The following DLG2 variants were observed in gnomAD, a reference collection of about 807,000 sequenced individuals.
DLG2 encodes the protein discs large MAGUK scaffold protein 2, also known as disks large homolog 2.
DLG2 carries 45 observed loss-of-function variants against 132.5 expected under a neutral mutation model. The ratio of observed to expected loss-of-function variants is 0.34; its 90% CI spans 0.27 to 0.44. DLG2 has a LOEUF of 0.44. Ranked by LOEUF, DLG2 falls within the 20% of genes least tolerant of loss-of-function variation. The probability of loss-of-function intolerance (pLI) is 1.00; values close to 1 mark genes in which losing one functional copy is unlikely to be tolerated. For synonymous variants in DLG2, 424 were observed against 419.6 expected (o/e 1.01, Z -0.13); for missense variants, 1,045 against 1,196.9 (o/e 0.87, Z 1.87).
At chr11:84,221,890 T>C (rs2154327044) in intron 8 of DLG2, among the ~76,000 whole-genome samples, 1 of 152,198 alleles carries the variant, frequency 6.6e-6, no homozygotes, top group African/African-American at 2.4e-5. Context: ...CACAATTATA[T>C]TTAATATTTT....
At chr11:84,307,712 AAAAAG>A (rs1056634727) in intron 7 of DLG2, among the ~76,000 whole-genome samples, 12 of 143,066 alleles carry the variant, frequency 8.4e-5, no homozygotes, top group African/African-American at 2.8e-4. Context: ...AAAAAAAAAA[AAAAAG>A]AAGCCGCGGA....
chr11:84,609,262 T>A (rs997525458), intron 6 of DLG2, among the ~76,000 whole-genome samples: 3 of 152,166 alleles, frequency 2.0e-5, no homozygotes, highest in African/African-American at 7.2e-5. Flanking sequence ...CTTATCTATA[T>A]ATTGGGTGCA....
chr11:84,358,772 T>A (rs1446931836), intron 7 of DLG2, among the ~76,000 whole-genome samples: 1 of 151,922 alleles, frequency 6.6e-6, no homozygotes, highest in Non-Finnish European at 1.5e-5. Context: ...AAAAAGGTAA[T>A]AATCATTTTG....
intron 7 of DLG2, among the ~76,000 whole-genome samples, chr11:84,324,665 T>C (rs1237429615): frequency 6.6e-6 from 1 of 152,176 alleles, no homozygotes; most frequent in Non-Finnish European, 1.5e-5. Flanking sequence ...TTTCAATCCA[T>C]GCACATTTAC....
chr11:84,366,126 T>A (rs1013522931), intron 7 of DLG2, among the ~76,000 whole-genome samples: 1 of 151,952 alleles, frequency 6.6e-6, no homozygotes, highest in African/African-American at 2.4e-5. Context: ...CGGCAGAAAC[T>A]CTACAAGCCA....
At chr11:85,453,306 C>T (rs1320407390) in intron 3 of DLG2, 5 of 272,626 alleles carry the variant, frequency 1.8e-5, no homozygotes, top group Non-Finnish European at 3.7e-5. Flanking sequence ...TTGAGCTAAA[C>T]TTTGGCTTCA....
chr11:84,051,031 C>A (rs888289723), intron 11 of DLG2, among the ~76,000 whole-genome samples: 1 of 151,902 alleles, frequency 6.6e-6, no homozygotes, highest in African/African-American at 2.4e-5. Context: ...AAATGCTCAT[C>A]ATCGCTGGCC....
At chr11:83,517,138 C>G (rs553792137) in intron 21 of DLG2, among the ~76,000 whole-genome samples, 16 of 152,318 alleles carry the variant, frequency 1.1e-4, no homozygotes, top group African/African-American at 3.8e-4. Context: ...TGGTTCCATT[C>G]TCCCCGTCAC....
chr11:84,497,902 T>G (rs2099189541), intron 7 of DLG2, among the ~76,000 whole-genome samples: 1 of 152,136 alleles, frequency 6.6e-6, no homozygotes, highest in African/African-American at 2.4e-5. Context: ...ATCCACTGAT[T>G]GAGCTATGGC....
In DLG2 at chr11:83,734,320, T is replaced by A. The variant is rs952097927; in HGVS notation, c.1825+52370A>T. Among the ~76,000 whole-genome samples the A allele has an allele frequency of 3.0e-4, 46 of 151,792 alleles. 1 individual carries two copies. The highest frequency in any genetic ancestry group is 9.7e-4 in the African/African-American group (40 of 41,314). On this transcript the variant is annotated intron_variant, in intron 18 of 27. Coordinates refer to ENST00000376104, the MANE Select transcript of DLG2 (RefSeq NM_001142699.3). The stretch of plus-strand genomic sequence containing the variant: ...AAAGTGGATTGTGAAATCAAATCAA[T>A]TTATGATCACTAATTTTCCCTTCCT...
chr11:83,793,584 A>G (rs2042092843), intron 17 of DLG2, among the ~76,000 whole-genome samples: 1 of 152,160 alleles, frequency 6.6e-6, no homozygotes, highest in African/African-American at 2.4e-5. Context: ...GCATGGAAAA[A>G]TGGGAAGGAA....
intron 19 of DLG2, among the ~76,000 whole-genome samples, chr11:83,586,913 C>T (rs139020242): frequency 7.2e-4 from 109 of 152,282 alleles, no homozygotes; most frequent in Non-Finnish European, 1.2e-3. Context: ...TTGTGAAAAT[C>T]GAAGTTGGTA....
intron 9 of DLG2, among the ~76,000 whole-genome samples, chr11:84,162,177 G>A (rs74858349): frequency 0.017 from 2,520 of 152,076 alleles, 64 homozygotes; most frequent in African/African-American, 0.058. Context: ...TGTGGTATGC[G>A]TTTATCATAG....
intron 6 of DLG2, among the ~76,000 whole-genome samples, chr11:84,990,954 G>T (rs911267721): frequency 2.6e-5 from 4 of 152,010 alleles, no homozygotes; most frequent in African/African-American, 9.7e-5. Flanking sequence ...TGAATAGCCA[G>T]AACTAGAAAC....
At chr11:85,087,845 A>C (rs1314872721) in intron 6 of DLG2, among the ~76,000 whole-genome samples, 2 of 104,886 alleles carry the variant, frequency 1.9e-5, no homozygotes, top group African/African-American at 4.7e-5. Context: ...ACTCCGTCTC[A>C]AAAAAAAAAA....
intron 6 of DLG2, among the ~76,000 whole-genome samples, chr11:84,699,289 A>G (rs1436217460): frequency 6.6e-6 from 1 of 151,576 alleles, no homozygotes; most frequent in East Asian, 1.9e-4. Context: ...TGGTGTAGAA[A>G]TTTACTTAAC....
chr11:84,915,402 C>G (rs2092393633), intron 6 of DLG2, among the ~76,000 whole-genome samples: 1 of 152,172 alleles, frequency 6.6e-6, no homozygotes, highest in Admixed American at 6.5e-5. Context: ...TTAAAACATA[C>G]TGAGTTGCAA....
chr11:84,895,244 A>G (rs1038006644), intron 6 of DLG2, among the ~76,000 whole-genome samples: 6 of 152,148 alleles, frequency 3.9e-5, no homozygotes, highest in Non-Finnish European at 8.8e-5. Flanking sequence ...AATAAATAGA[A>G]GAAGAAAAGA....
chr11:84,183,043 A>G (rs1160796736), intron 8 of DLG2, among the ~76,000 whole-genome samples: 1 of 152,172 alleles, frequency 6.6e-6, no homozygotes, highest in Non-Finnish European at 1.5e-5. Flanking sequence ...CAAAGAAGAT[A>G]AAACAGACCA....
Sources: allele counts gnomAD v4.1 joint callset (sites outside exome capture counted in the v4.1 genomes callset), GRCh38; gene constraint gnomAD v4.1.1; transcripts MANE v1.5; gene names NCBI Gene and HGNC (gene_info 2026-07-23, HGNC 2026-07-21).